Variants in EIF3B observed in about 807,000 individuals in gnomAD.
EIF3B encodes the protein eukaryotic translation initiation factor 3 subunit 9.
Under a neutral mutation model 104.6 loss-of-function variants are expected in EIF3B, and 10 were observed. That is an observed-to-expected ratio of 0.10 (90% CI 0.06 to 0.16). The LOEUF (loss-of-function observed/expected upper bound fraction) is 0.16. EIF3B is among the 10% of genes least tolerant of loss of function. The probability of loss-of-function intolerance (pLI) is 1.00; values close to 1 mark genes in which losing one functional copy is unlikely to be tolerated. For synonymous variants in EIF3B, 542 were observed against 417.2 expected (o/e 1.30, Z -3.65); for missense variants, 1,014 against 1,087.9 (o/e 0.93, Z 0.96).
At chr7:2,355,531 G>T in intron 1 of EIF3B, 111 bp downstream of exon 1, 2 of 1,357,812 alleles carry the variant, frequency 1.5e-6, no homozygotes, top group East Asian at 2.9e-5. Flanking sequence ...GTTCCAGCGA[G>T]GGTGTCCGTG....
rs1292303706 is a variant in EIF3B, at chr7:2,355,104, G to A, written c.183G>A (p.Gly61=). The change falls in exon 1 of 19, where the codon GGG becomes GGA. Residue 61 remains glycine, a synonymous_variant. Coordinates refer to ENST00000360876, the MANE Select transcript of EIF3B (RefSeq NM_001037283.2). The part of the protein sequence containing the change: ...SSEEVGIAEA[G]PESEVRTEPA... ...AGGAGGTGGGGATCGCGGAGGCCGG[G>A]CCGGAGTCCGAGGTGAGGACCGAGC... is the stretch of plus-strand genomic sequence containing the variant. 9 of 1,354,466 alleles carry A rather than the reference G, an allele frequency of 6.6e-6. No homozygotes were observed. The South Asian group carries it at 1.2e-4, about 18-fold the overall frequency. 83.9% of individuals were successfully genotyped at this position (1,354,466 alleles called of 1,614,324 possible). A position where few individuals can be genotyped will look rare whatever the true frequency, so the allele number is the denominator to read the frequency against.
rs556567321 is a variant in EIF3B at position 2,377,177 on chromosome 7, TA to T, written c.2154+107del. ...TATTGTTAGGGTGGTGACTGGGGGA[TA>T]AAAACGTGACATTTGCAAGGATTCT... On this transcript the variant is annotated intron_variant, in intron 15 of 18. Coordinates refer to ENST00000360876, the MANE Select transcript of EIF3B (RefSeq NM_001037283.2). 331 of 1,431,120 alleles carry T rather than the reference TA, an allele frequency of 2.3e-4. 1 individual carries two copies. The African/African-American group carries it at 4.4e-3, about 19-fold the overall frequency. The allele number at this position is 1,431,120 out of a possible 1,614,324, so 88.7% of individuals were successfully genotyped here.
chr7:2,363,066 C>A lies in EIF3B; in HGVS notation c.813-4C>A, dbSNP rs781609405. ...GGGGCTCAGCAGTCTCCTTTCTTCT[C>A]CAGGTATATGACGATCAGTGACGAG... On this transcript the variant is annotated splice_region_variant and splice_polypyrimidine_tract_variant and intron_variant, in intron 3 of 18. Coordinates refer to ENST00000360876, the MANE Select transcript of EIF3B (RefSeq NM_001037283.2). 1 of 1,614,030 alleles carries A rather than the reference C, an allele frequency of 6.2e-7. No individual in the cohort carries two copies. The highest frequency in any genetic ancestry group is 8.5e-7 in the Non-Finnish European group (1 of 1,179,994).
chr7:2,357,445 G>C (rs1779508657), intron 1 of EIF3B, among the ~76,000 whole-genome samples: 1 of 152,218 alleles, frequency 6.6e-6, no homozygotes, highest in Non-Finnish European at 1.5e-5. Context: ...GACCGTAGGT[G>C]ACTGTATCAG....
rs147109032 is a variant in EIF3B, at chr7:2,360,344, C to G, written c.500-366C>G. Reference sequence around the variant, plus strand: ...TGCCTGCCTAGATGTTGCAACAAACCTTTCAAAATCTAGGCATCTCTGGAA... The same window carrying G: ...TGCCTGCCTAGATGTTGCAACAAACGTTTCAAAATCTAGGCATCTCTGGAA... On this transcript the variant is annotated intron_variant, in intron 1 of 18. Transcript: ENST00000360876. Among the ~76,000 whole-genome samples, 1,009 of 152,308 alleles carry G rather than the reference C, an allele frequency of 6.6e-3. 10 individuals are homozygous for G. The highest frequency in any genetic ancestry group is 0.023 in the African/African-American group (968 of 41,556).
At chr7:2,375,078 T>TA in intron 13 of EIF3B, 2 of 413,406 alleles carry the variant, frequency 4.8e-6, no homozygotes, top group Non-Finnish European at 8.9e-6. Context: ...GTTAAAAGAA[T>TA]ACCCTTTTGT....
intron 18 of EIF3B, chr7:2,379,838 T>C (rs1780899366): frequency 7.2e-5 from 24 of 334,804 alleles, no homozygotes; most frequent in South Asian, 6.6e-4. Flanking sequence ...ACGGCCGCGG[T>C]GTGTCCACTG....
In EIF3B at chr7:2,355,833, A is replaced by G. The variant is rs145680317; in HGVS notation, c.499+413A>G. Among the ~76,000 whole-genome samples the G allele has an allele frequency of 7.8e-4, 119 of 152,286 alleles. 1 individual carries two copies. The East Asian group carries it at 0.017, about 22-fold the overall frequency. Reference sequence around the variant, plus strand: ...CAGAGCTGACCAGTCAGACCTCCCAAGGTCTGGATCGGAGGAACAGCTTGT... The same window carrying G: ...CAGAGCTGACCAGTCAGACCTCCCAGGGTCTGGATCGGAGGAACAGCTTGT... On this transcript the variant is annotated intron_variant, in intron 1 of 18. Transcript: ENST00000360876.
At chr7:2,364,117 C>T (rs1779881566) in intron 5 of EIF3B, among the ~76,000 whole-genome samples, 1 of 152,164 alleles carries the variant, frequency 6.6e-6, no homozygotes, top group South Asian at 2.1e-4. Context: ...AAAAAATTAG[C>T]TGGGCATGGT....
intron 12 of EIF3B, chr7:2,373,367 TTGAA>T (rs1780462389): frequency 6.6e-6 from 1 of 152,346 alleles, no homozygotes; most frequent in Non-Finnish European, 1.5e-5. Flanking sequence ...CCCGCGGGGA[TTGAA>T]TGAGCCATTG....
At chr7:2,365,296 A>G (rs1319890580) in intron 6 of EIF3B, among the ~76,000 whole-genome samples, 3 of 152,104 alleles carry the variant, frequency 2.0e-5, no homozygotes, top group African/African-American at 7.2e-5. Flanking sequence ...GAGGCCTGCT[A>G]GGGAAAGGGG....
At chr7:2,375,068 G>A in intron 13 of EIF3B, 1 of 397,318 alleles carries the variant, frequency 2.5e-6, no homozygotes, top group Non-Finnish European at 4.6e-6. Context: ...TCTGCTCTGA[G>A]TTAAAAGAAT....
rs1017012787 is a variant in EIF3B at position 2,380,539 on chromosome 7, C to T, written c.*350C>T. 2 of 408,236 alleles carry T rather than the reference C, an allele frequency of 4.9e-6. No homozygotes were observed. The highest frequency in any genetic ancestry group is 1.8e-5 in the South Asian group (1 of 54,908). 25.3% of individuals were successfully genotyped at this position (408,236 alleles called of 1,614,324 possible). On this transcript the variant is annotated 3_prime_UTR_variant, in exon 19 of 19. Transcript: ENST00000360876. ...GCGACGCCACTGGCGGCACCTTCTCCTGCGCCCAGTGATGTTTCCACGGTG... is the reference window on the plus strand; with the variant it reads ...GCGACGCCACTGGCGGCACCTTCTCTTGCGCCCAGTGATGTTTCCACGGTG...
chr7:2,369,324 G>T, intron 9 of EIF3B, 148 bp from the exon 10 acceptor site: 1 of 825,066 alleles, frequency 1.2e-6, no homozygotes, highest in Non-Finnish European at 2.0e-6. Flanking sequence ...GGCATGCCCA[G>T]AGCAGTGGCT....
In EIF3B at chr7:2,380,379, G is replaced by T. The variant is rs756700594; in HGVS notation, c.*190G>T. 1.2e-5 allele frequency: 6 copies of T among 518,792 alleles called. No individual in the cohort carries two copies. Among genetic ancestry groups the T allele is most frequent in the Non-Finnish European group, 2.3e-5 (6 of 259,796 alleles). 32.1% of individuals were successfully genotyped at this position (518,792 alleles called of 1,614,324 possible). The stretch of plus-strand genomic sequence containing the variant: ...TGGCTCTGGACTGTGACTGCGCCTG[G>T]ATTCTGCCATTGCGACACATTTTTG... On this transcript the variant is annotated 3_prime_UTR_variant, in exon 19 of 19. Transcript: ENST00000360876.
Position 2,355,062 on chromosome 7 carries a change from G to A in EIF3B, c.141G>A (p.Gly47=). 8.1e-7 allele frequency: 1 copy of A among 1,242,100 alleles called. No homozygotes were observed. The highest frequency in any genetic ancestry group is 4.3e-5 in the Admixed American group (1 of 23,176). 76.9% of individuals were successfully genotyped at this position (1,242,100 alleles called of 1,614,324 possible). The change falls in exon 1 of 19, where the codon GGG becomes GGA. Residue 47 remains glycine (G), a synonymous_variant. Coordinates refer to ENST00000360876, the MANE Select transcript of EIF3B (RefSeq NM_001037283.2). ...PAGPGAPEAA[G]TEASSEEVGI... is the part of the protein sequence containing the mutation. ...GGCCCGGCGCTCCGGAGGCCGCGGG[G>A]ACCGAGGCCTCCAGTGAGGAGGTGG...
In EIF3B at chr7:2,366,224, C is replaced by A; in HGVS notation, c.1158-93C>A. The A allele has an allele frequency of 2.9e-6, 4 of 1,376,450 alleles. No homozygotes were observed. In the East Asian group the frequency reaches 7.2e-5, roughly 25 times the overall value. The allele number at this position is 1,376,450 out of a possible 1,614,324, so 85.3% of individuals were successfully genotyped here. ...GTGGGGTTTGGGGAGAGAGCTGGTTCCGCGAGTTCTGACGGCGTGTTCTGG... is the reference window on the plus strand; with the variant it reads ...GTGGGGTTTGGGGAGAGAGCTGGTTACGCGAGTTCTGACGGCGTGTTCTGG... On this transcript the variant is annotated intron_variant, in intron 6 of 18. Coordinates refer to ENST00000360876, the MANE Select transcript of EIF3B (RefSeq NM_001037283.2).
chr7:2,354,900 G>C lies in EIF3B; in HGVS notation c.-22G>C. On this transcript the variant is annotated 5_prime_UTR_variant, in exon 1 of 19. Transcript: ENST00000360876. ...GGAAGCGCGGCGGCCGCGGAGCCCT[G>C]CGAGTAGGCAGCGTTGGGCCCATGC... The C allele has an allele frequency of 8.5e-7, 1 of 1,179,390 alleles. No individual in the cohort carries two copies. The highest frequency in any genetic ancestry group is 1.0e-6 in the Non-Finnish European group (1 of 954,248). The allele number at this position is 1,179,390 out of a possible 1,614,324, so 73.1% of individuals were successfully genotyped here.
chr7:2,376,842 T>C lies in EIF3B; in HGVS notation c.2029-108T>C. The C allele has an allele frequency of 4.1e-6, 6 of 1,480,680 alleles. No individual in the cohort carries two copies. The Admixed American group carries it at 1.3e-4, about 31-fold the overall frequency. 91.7% of individuals were successfully genotyped at this position (1,480,680 alleles called of 1,614,324 possible). A position where few individuals can be genotyped will look rare whatever the true frequency, so the allele number is the denominator to read the frequency against. On this transcript the variant is annotated intron_variant, in intron 14 of 18. Coordinates refer to ENST00000360876, the MANE Select transcript of EIF3B (RefSeq NM_001037283.2). Reference sequence around the variant, plus strand: ...AGCTCAGCACAGGCAGAGCTTTGTTTGCTTCACACGTGTCCCCGATACCCA... The same window carrying C: ...AGCTCAGCACAGGCAGAGCTTTGTTCGCTTCACACGTGTCCCCGATACCCA...
Sources: gnomAD v4.1 joint callset for allele counts (sites outside exome capture counted in the v4.1 genomes callset) on GRCh38, gnomAD v4.1.1 for gene constraint, MANE v1.5 for transcripts, NCBI Gene and HGNC (gene_info 2026-07-23, HGNC 2026-07-21) for gene names.